Variants in A4GNT observed in about 807,000 individuals in gnomAD.
A4GNT encodes alpha-1,4-N-acetylglucosaminyltransferase.
In A4GNT, 6 loss-of-function variants were observed where a neutral mutation model predicts 8.3. The ratio of observed to expected loss-of-function variants is 0.72; its 90% CI spans 0.39 to 1.42. The LOEUF (loss-of-function observed/expected upper bound fraction) is 1.42. A4GNT is among the 40% of genes most tolerant of loss of function. The probability of loss-of-function intolerance (pLI) is 0.02; values close to 1 mark genes in which losing one functional copy is unlikely to be tolerated. For synonymous variants in A4GNT, 157 were observed against 159.8 expected (o/e 0.98, Z 0.13); for missense variants, 377 against 417.0 (o/e 0.90, Z 0.84).
chr3:138,124,818 T>C lies in A4GNT; in HGVS notation c.469A>G (p.Ile157Val), dbSNP rs1233779146. The change falls in exon 3 of 3, where the codon ATC becomes GTC. Residue 157 changes from isoleucine to valine, a missense_variant. By Grantham distance (29) the Ile-to-Val change is conservative. Coordinates refer to ENST00000236709, the MANE Select transcript of A4GNT (RefSeq NM_016161.3). ...TAGATGCCACCGTATTTCCAGATGA[T>C]GGCCAGGCGGGATGCATCCGAGCTG... ...HISSDASRLA[I>V]IWKYGGIYMD... 1 of 1,613,958 alleles carries C rather than the reference T, an allele frequency of 6.2e-7. No homozygotes were observed. Among genetic ancestry groups the C allele is most frequent in the Admixed American group, 1.7e-5 (1 of 60,014 alleles).
At chr3:138,132,866 A>G (rs2042786152), upstream of A4GNT, among the ~76,000 whole-genome samples, 3 of 152,232 alleles carry the variant, frequency 2.0e-5, no homozygotes. Flanking sequence ...GTGATTCCCC[A>G]GTGTCAGTCA....
Position 138,124,691 on chromosome 3 carries a change from G to A in A4GNT, c.596C>T (p.Pro199Leu). 6.2e-7 allele frequency: 1 copy of A among 1,614,188 alleles called. No individual in the cohort carries two copies. Among genetic ancestry groups the A allele is most frequent in the East Asian group, 2.2e-5 (1 of 44,884 alleles). The change falls in exon 3 of 3, where the codon CCC becomes CTC. Residue 199 changes from proline to leucine, a missense_variant. Transcript: ENST00000236709. ...GCATTCCCACAAAAAGGGGTGGTGG[G>A]GGAGGAACCCAAATATTCCATTACT... is the stretch of plus-strand genomic sequence containing the variant. ...YSSNGIFGFL[P>L]HHPFLWECME... is the part of the protein sequence containing the mutation.
chr3:138,127,573 CAAAA>C (rs78781728), intron 2 of A4GNT, among the ~76,000 whole-genome samples: 1 of 108,276 alleles, frequency 9.2e-6, no homozygotes. Context: ...GACTCCGTCT[CAAAA>C]AAAAAAAAAA....
At chr3:138,127,587 AC>A (rs796612547) in intron 2 of A4GNT, among the ~76,000 whole-genome samples, 7 of 151,804 alleles carry the variant, frequency 4.6e-5, no homozygotes, top group Admixed American at 1.3e-4. Context: ...AAAAAAAAAA[AC>A]AAAAAACATA....
In A4GNT at chr3:138,124,730, G is replaced by T; in HGVS notation, c.557C>A (p.Ala186Asp). 3.7e-6 allele frequency: 6 copies of T among 1,614,168 alleles called. No individual in the cohort carries two copies. Among genetic ancestry groups the T allele is most frequent in the Non-Finnish European group, 5.1e-6 (6 of 1,180,000 alleles). The change falls in exon 3 of 3, where the codon GCT (alanine) becomes GAT (aspartate). Residue 186 changes from alanine (A) to aspartate (D), a missense_variant. Coordinates refer to ENST00000236709, the MANE Select transcript of A4GNT (RefSeq NM_016161.3). ...IPEENFLAAQ[A>D]SRYSSNGIFG... ...TATTCCATTACTAGAGTACCGAGAA[G>T]CCTGCGCAGCCAAAAAGTTCTCCTC... is the stretch of plus-strand genomic sequence containing the variant.
Position 138,124,226 on chromosome 3 carries a change from C to A in A4GNT, c.*38G>T. On this transcript the variant is annotated 3_prime_UTR_variant, in exon 3 of 3. Coordinates refer to ENST00000236709, the MANE Select transcript of A4GNT (RefSeq NM_016161.3). ...AAAATGTGGCACTCCAGGAAATGTC[C>A]ATTTCCACACTGCAGCAGCAGCAAA... 2 of 1,581,348 alleles carry A rather than the reference C, an allele frequency of 1.3e-6. No individual in the cohort carries two copies. Among genetic ancestry groups the A allele is most frequent in the Admixed American group, 1.8e-5 (1 of 56,968 alleles).
intron 2 of A4GNT, among the ~76,000 whole-genome samples, chr3:138,125,930 G>T (rs1186206397): frequency 3.3e-5 from 5 of 152,198 alleles, no homozygotes; most frequent in African/African-American, 1.2e-4. Context: ...ATCAGAATTG[G>T]AGAGGGGTGG....
At chr3:138,125,539 A>G (rs192667170) in intron 2 of A4GNT, among the ~76,000 whole-genome samples, 1 of 152,332 alleles carries the variant, frequency 6.6e-6, no homozygotes, top group Non-Finnish European at 1.5e-5. Context: ...ACAACTATGA[A>G]GAAAAAAAGC....
Position 138,124,645 on chromosome 3 carries a change from G to T in A4GNT, c.642C>A (p.His214Gln), listed in dbSNP as rs146992672. ...LWECMENFVE[H>Q]YNSAIWGNQG... ...GGTTGCCCCAAATGGCTGAATTATA[G>T]TGTTCAACAAAGTTTTCCATGCATT... Residue 214 changes from histidine (H) to glutamine (Q), a missense_variant, in exon 3 of 3, where the codon CAC (histidine) becomes CAA (glutamine). By Grantham distance (24) the His-to-Gln change is conservative. Transcript: ENST00000236709. 3.0e-3 allele frequency: 4,843 copies of T among 1,614,204 alleles called. 12 individuals carry two copies. The highest frequency in any genetic ancestry group is 3.7e-3 in the Non-Finnish European group (4,373 of 1,180,028).
intron 2 of A4GNT, among the ~76,000 whole-genome samples, chr3:138,129,867 C>T (rs2724690): frequency 0.64 from 96,851 of 152,072 alleles, 31,036 homozygotes; most frequent in Admixed American, 0.69. Flanking sequence ...TGGGCTCCAG[C>T]GATCCTCCTG....
chr3:138,133,224 T>C (rs909370139), upstream of A4GNT, among the ~76,000 whole-genome samples: 55 of 152,302 alleles, frequency 3.6e-4, no homozygotes, highest in African/African-American at 1.3e-3. Context: ...GCCCCACTCA[T>C]TGATGGCTTC....
At chr3:138,127,259 C>G (rs1276505705) in intron 2 of A4GNT, among the ~76,000 whole-genome samples, 1 of 151,664 alleles carries the variant, frequency 6.6e-6, no homozygotes, top group South Asian at 2.1e-4. Context: ...GTACTATGAT[C>G]ATTCCTATTT....
intron 2 of A4GNT, among the ~76,000 whole-genome samples, chr3:138,129,040 C>T (rs1048746580): frequency 6.6e-6 from 1 of 152,042 alleles, no homozygotes; most frequent in African/African-American, 2.4e-5. Context: ...ACCTTTCTGG[C>T]CCACCAGATC....
chr3:138,130,321 G>T (rs900521498), intron 2 of A4GNT, among the ~76,000 whole-genome samples: 2 of 152,028 alleles, frequency 1.3e-5, no homozygotes, highest in African/African-American at 4.8e-5. Context: ...TATTAGACTG[G>T]CACATTATTC....
chr3:138,130,304 A>G (rs1017568418), intron 2 of A4GNT, among the ~76,000 whole-genome samples: 1 of 152,206 alleles, frequency 6.6e-6, no homozygotes, highest in African/African-American at 2.4e-5. Flanking sequence ...CTCCTCTATA[A>G]GAGAAATATT....
intron 2 of A4GNT, among the ~76,000 whole-genome samples, chr3:138,128,486 G>T (rs1293053985): frequency 7.2e-5 from 11 of 151,762 alleles, no homozygotes; most frequent in African/African-American, 2.7e-4. Context: ...GGGGGGGTAG[G>T]TGCCACACAC....
At chr3:138,124,916 G>A (rs2042737018) in intron 2 of A4GNT, 38 bp from the exon 3 acceptor site, 3 of 1,587,256 alleles carry the variant, frequency 1.9e-6, no homozygotes, top group Non-Finnish European at 1.7e-6. Flanking sequence ...AAGTAGCCAG[G>A]GGAAGAGGGA....
intron 2 of A4GNT, 83 bp downstream of exon 2, chr3:138,130,766 T>G (rs2042771096): frequency 2.7e-6 from 4 of 1,480,904 alleles, no homozygotes; most frequent in African/African-American, 1.4e-5. Flanking sequence ...GTGGGTTCTA[T>G]TCCCATCTCC....
In A4GNT at chr3:138,124,848, G is replaced by A. The variant is rs1166342354; in HGVS notation, c.439C>T (p.His147Tyr). The change falls in exon 3 of 3, where the codon CAC (histidine) becomes TAC (tyrosine). Residue 147 changes from histidine to tyrosine, a missense_variant. Transcript: ENST00000236709. Reference protein sequence around the residue: ...INASAERNWLHISSDASRLAI... With the variant: ...INASAERNWLYISSDASRLAI... ...AGGCGGGATGCATCCGAGCTGATGT[G>A]GAGCCAGTTTCTCTCTGCGCTGGCG... is the stretch of plus-strand genomic sequence containing the variant. 4 of 1,612,830 alleles carry A rather than the reference G, an allele frequency of 2.5e-6. No homozygotes were observed. In the South Asian group the frequency reaches 3.3e-5, roughly 13 times the overall value.
Sources: gnomAD v4.1 joint callset for allele counts (sites outside exome capture counted in the v4.1 genomes callset) on GRCh38, gnomAD v4.1.1 for gene constraint, MANE v1.5 for transcripts, NCBI Gene and HGNC (gene_info 2026-07-23, HGNC 2026-07-21) for gene names.